The following ZNF83 variants were observed in gnomAD, a reference collection of about 807,000 sequenced individuals.
ZNF83 encodes zinc finger protein 816B.
For synonymous variants in ZNF83, 209 were observed against 213.0 expected (o/e 0.98, Z 0.17); for missense variants, 552 against 629.9 (o/e 0.88, Z 1.32).
chr19:52,627,040 C>G lies in ZNF83; in HGVS notation c.-234+8026G>C, dbSNP rs909781526. 6.6e-5 allele frequency among the ~76,000 whole-genome samples: 10 copies of G among 152,220 alleles called. No homozygotes were observed. In the East Asian group the frequency reaches 1.9e-3, roughly 29 times the overall value. On this transcript the variant is annotated intron_variant, in intron 2 of 2. Transcript: ENST00000301096. Reference sequence around the variant, plus strand: ...CCATTATGACTTGTTCCTGCCCTGCCCCAACTGATCGATCGACCTTGAGAA... The same window carrying G: ...CCATTATGACTTGTTCCTGCCCTGCGCCAACTGATCGATCGACCTTGAGAA...
intron 1 of ZNF83, among the ~76,000 whole-genome samples, chr19:52,667,271 A>ATGTTATATGGTAAATTCT (rs2061667483): frequency 6.6e-6 from 1 of 151,920 alleles, no homozygotes. Context: ...TGTAAAAAGA[A>ATGTTATATGGTAAATTCT]TGTTATATGG....
intron 1 of ZNF83, among the ~76,000 whole-genome samples, chr19:52,666,425 T>C (rs1053281205): frequency 6.6e-6 from 1 of 152,096 alleles, no homozygotes; most frequent in Non-Finnish European, 1.5e-5. Flanking sequence ...AACAATGGCA[T>C]ATCCTGAAAG....
intron 2 of ZNF83, among the ~76,000 whole-genome samples, chr19:52,626,112 G>C (rs113413446): frequency 2.0e-5 from 3 of 151,812 alleles, no homozygotes; most frequent in African/African-American, 7.3e-5. Context: ...ATACCAAACA[G>C]ACAAAAAAGA....
intron 1 of ZNF83, among the ~76,000 whole-genome samples, chr19:52,682,791 C>T (rs2061944123): frequency 6.6e-6 from 1 of 152,112 alleles, no homozygotes; most frequent in South Asian, 2.1e-4. Flanking sequence ...TCACTTGAGC[C>T]CAGGAGTTCA....
chr19:52,649,169 T>G (rs995777050), intron 3 of ZNF83, among the ~76,000 whole-genome samples: 1 of 152,142 alleles, frequency 6.6e-6, no homozygotes, highest in Non-Finnish European at 1.5e-5. Context: ...CAAACCTGGC[T>G]TTCGCAGCAC....
chr19:52,656,864 C>CAA lies in ZNF83; in HGVS notation c.-200-1179_-200-1178dup, dbSNP rs112522632. 4.8e-3 allele frequency among the ~76,000 whole-genome samples: 652 copies of CAA among 136,380 alleles called. 13 individuals carry two copies. The highest frequency in any genetic ancestry group is 0.013 in the African/African-American group (503 of 38,258). The allele number at this position is 136,380 out of a possible 152,430, so 89.5% of individuals were successfully genotyped here. On this transcript the variant is annotated intron_variant, in intron 2 of 5. Transcript: ENST00000594682. ...CTATCGACAGAGCGAGACTCCGTCT[C>CAA]AAAAAAAAAAAAAAAAAAAAAATCA... is the stretch of plus-strand genomic sequence containing the variant.
At chr19:52,645,851 G>A (rs170671) in intron 3 of ZNF83, among the ~76,000 whole-genome samples, 18,329 of 150,138 alleles carry the variant, frequency 0.12, 1,830 homozygotes, top group East Asian at 0.4. Flanking sequence ...AAATGAAGAG[G>A]AAACAGAAAA....
At chr19:52,678,051 A>G (rs1324506768) in intron 1 of ZNF83, among the ~76,000 whole-genome samples, 1 of 150,796 alleles carries the variant, frequency 6.6e-6, no homozygotes, top group East Asian at 1.9e-4. Context: ...AAACAAAACA[A>G]AAAACAAAAC....
At chr19:52,639,783 TC>T (rs1168920280), upstream of ZNF83, among the ~76,000 whole-genome samples, 3 of 151,772 alleles carry the variant, frequency 2.0e-5, no homozygotes, top group South Asian at 2.1e-4. Context: ...AAAAAAATCT[TC>T]CCCCCAATGA....
chr19:52,681,775 G>A (rs2061925798), intron 1 of ZNF83, among the ~76,000 whole-genome samples: 1 of 152,200 alleles, frequency 6.6e-6, no homozygotes, highest in Non-Finnish European at 1.5e-5. Context: ...AGGTTCAAGG[G>A]TAAGAACATG....
chr19:52,657,186 T>A (rs2061517810), intron 2 of ZNF83, among the ~76,000 whole-genome samples: 1 of 151,742 alleles, frequency 6.6e-6, no homozygotes, highest in African/African-American at 2.4e-5. Context: ...ATGCAATGCA[T>A]GAAGAAAATG....
Position 52,667,826 on chromosome 19 carries a change from A to G in ZNF83, c.-282-6983T>C, listed in dbSNP as rs187992933. 2.6e-3 allele frequency among the ~76,000 whole-genome samples: 396 copies of G among 152,364 alleles called. 3 individuals are homozygous for G. The highest frequency in any genetic ancestry group is 4.0e-3 in the Non-Finnish European group (271 of 68,036). Reference sequence around the variant, plus strand: ...ACATTAACATTGGATAAATATGTCTACAAGGTTTTATTAAAATTAAGTTTA... The same window carrying G: ...ACATTAACATTGGATAAATATGTCTGCAAGGTTTTATTAAAATTAAGTTTA... On this transcript the variant is annotated intron_variant, in intron 1 of 5. Coordinates refer to the ZNF83 transcript ENST00000594682.
chr19:52,687,049 C>A (rs566205942), intron 1 of ZNF83, among the ~76,000 whole-genome samples: 1 of 151,504 alleles, frequency 6.6e-6, no homozygotes, highest in African/African-American at 2.4e-5. Flanking sequence ...AGAGTGGTGG[C>A]GCATGCCTGT....
chr19:52,663,519 C>T (rs2061606404), intron 1 of ZNF83, among the ~76,000 whole-genome samples: 1 of 152,104 alleles, frequency 6.6e-6, no homozygotes, highest in African/African-American at 2.4e-5. Context: ...TCACAGCTCA[C>T]CATTTAATCA....
At chr19:52,681,595 A>G (rs2061922272) in intron 1 of ZNF83, among the ~76,000 whole-genome samples, 1 of 152,212 alleles carries the variant, frequency 6.6e-6, no homozygotes, top group African/African-American at 2.4e-5. Context: ...CTTGGAGACA[A>G]GTGCATCACA....
At chr19:52,652,834 C>T in intron 3 of ZNF83, 3 of 950,438 alleles carry the variant, frequency 3.2e-6, no homozygotes, top group Non-Finnish European at 5.0e-6. Flanking sequence ...AGTATGAAGT[C>T]TATGATGGCA....
upstream of ZNF83, among the ~76,000 whole-genome samples, chr19:52,640,644 G>T (rs1016168050): frequency 1.7e-4 from 26 of 152,116 alleles, no homozygotes; most frequent in African/African-American, 6.3e-4. Flanking sequence ...CTAATTGTCA[G>T]TCCTCTCTGC....
At chr19:52,618,850 C>T (rs1355406304) in intron 2 of ZNF83, 4 of 1,507,020 alleles carry the variant, frequency 2.7e-6, no homozygotes, top group East Asian at 2.2e-5. Flanking sequence ...TTTAGTCAAG[C>T]AAGGATGCAA....
chr19:52,614,083 A>C, exon 3 of ZNF83: 2 of 1,612,086 alleles, frequency 1.2e-6, no homozygotes, highest in Non-Finnish European at 8.5e-7. Flanking sequence ...AAGGTGTGAC[A>C]TATTATGGAA....
Sources: gnomAD v4.1 joint callset for allele counts (sites outside exome capture counted in the v4.1 genomes callset) on GRCh38, gnomAD v4.1.1 for gene constraint, MANE v1.5 for transcripts, NCBI Gene and HGNC (gene_info 2026-07-23, HGNC 2026-07-21) for gene names.